Variants in AOAH observed in about 807,000 individuals in gnomAD.
AOAH encodes acyloxyacyl hydrolase.
A neutral mutation model predicts 92.2 loss-of-function variants in AOAH; 64 were observed. That is an observed-to-expected ratio of 0.69 (90% CI 0.57 to 0.86). AOAH has a LOEUF of 0.86. AOAH is among the 40% of genes least tolerant of loss of function. The pLI, the probability that AOAH is intolerant of heterozygous loss-of-function variation, is 0.00. For missense variants in AOAH, 656 were observed against 694.6 expected (o/e 0.94, Z 0.62); for synonymous variants, 263 against 254.5 (o/e 1.03, Z -0.32).
chr7:36,623,609 G>A (rs916923628), intron 6 of AOAH, among the ~76,000 whole-genome samples: 2 of 152,142 alleles, frequency 1.3e-5, no homozygotes, highest in African/African-American at 4.8e-5. Flanking sequence ...TTGAATTTTT[G>A]CCATTTTGCA....
chr7:36,712,558 G>T (rs1035131940), intron 1 of AOAH, among the ~76,000 whole-genome samples: 6 of 152,156 alleles, frequency 3.9e-5, no homozygotes, highest in African/African-American at 1.4e-4. Flanking sequence ...GGCAGAAAGA[G>T]GCACAGCCTG....
chr7:36,587,323 T>C (rs1186658295), intron 12 of AOAH, among the ~76,000 whole-genome samples: 1 of 149,980 alleles, frequency 6.7e-6, no homozygotes, highest in African/African-American at 2.4e-5. Context: ...TGGTTTTATA[T>C]ACACATGTAG....
intron 4 of AOAH, among the ~76,000 whole-genome samples, chr7:36,652,920 A>G (rs1428843188): frequency 6.6e-6 from 1 of 152,204 alleles, no homozygotes. Flanking sequence ...TTAGAGGAGA[A>G]GCATGTGTAA....
chr7:36,572,478 A>C (rs1213679972), intron 13 of AOAH, among the ~76,000 whole-genome samples: 2 of 151,970 alleles, frequency 1.3e-5, no homozygotes, highest in Non-Finnish European at 2.9e-5. Context: ...AGCTATGACC[A>C]CGCCACTGTG....
At chr7:36,623,126 G>A in intron 7 of AOAH, 64 bp downstream of exon 7, 2 of 1,342,988 alleles carry the variant, frequency 1.5e-6, no homozygotes. Context: ...CTTATTAAAG[G>A]AAAGAAATGT....
chr7:36,525,643 T>C (rs1784361796), intron 19 of AOAH, among the ~76,000 whole-genome samples: 1 of 152,176 alleles, frequency 6.6e-6, no homozygotes, highest in African/African-American at 2.4e-5. Context: ...ATTCAAAACT[T>C]TTTGAGTGCC....
At chr7:36,542,217 A>G (rs1327404533) in intron 15 of AOAH, among the ~76,000 whole-genome samples, 1 of 152,182 alleles carries the variant, frequency 6.6e-6, no homozygotes, top group Non-Finnish European at 1.5e-5. Flanking sequence ...CCACAAGCCA[A>G]AGAGTGCTGA....
At chr7:36,646,906 A>G (rs1794258455) in intron 4 of AOAH, among the ~76,000 whole-genome samples, 1 of 152,144 alleles carries the variant, frequency 6.6e-6, no homozygotes. Context: ...TACACCCTCA[A>G]AATTCCTTTT....
intron 2 of AOAH, among the ~76,000 whole-genome samples, chr7:36,678,507 C>T (rs1796400315): frequency 6.6e-6 from 1 of 150,580 alleles, no homozygotes; most frequent in Admixed American, 6.6e-5. Context: ...CTAATACTGG[C>T]TGAAAGGCAG....
intron 4 of AOAH, among the ~76,000 whole-genome samples, chr7:36,648,189 G>A (rs961678649): frequency 1.3e-5 from 2 of 152,138 alleles, no homozygotes; most frequent in Non-Finnish European, 2.9e-5. Flanking sequence ...AATATGCAGA[G>A]AGCAACTTAA....
At chr7:36,639,468 A>G (rs1190807456) in intron 4 of AOAH, among the ~76,000 whole-genome samples, 1 of 152,206 alleles carries the variant, frequency 6.6e-6, no homozygotes, top group Non-Finnish European at 1.5e-5. Context: ...TCCTTGAGGC[A>G]TAGTAGGTGC....
At chr7:36,645,436 G>C (rs550511543) in intron 4 of AOAH, among the ~76,000 whole-genome samples, 46 of 152,296 alleles carry the variant, frequency 3.0e-4, no homozygotes, top group Non-Finnish European at 2.2e-4. Flanking sequence ...CTTTGTTAGA[G>C]CAGCCCTAAC....
At chr7:36,517,218 T>TTCTTTCTTTTTC (rs1562853989) in intron 20 of AOAH, among the ~76,000 whole-genome samples, 1 of 62,084 alleles carries the variant, frequency 1.6e-5, no homozygotes, top group Non-Finnish European at 3.9e-5. Flanking sequence ...TTCTTTCTCT[T>TTCTTTCTTTTTC]TCTTTCTGTC....
At chr7:36,543,952 T>C (rs542871104) in intron 15 of AOAH, among the ~76,000 whole-genome samples, 5 of 138,460 alleles carry the variant, frequency 3.6e-5, no homozygotes, top group East Asian at 4.1e-4. Context: ...TCTTTCTTTT[T>C]TTTTTTTTTT....
intron 4 of AOAH, among the ~76,000 whole-genome samples, chr7:36,658,407 T>G (rs953049511): frequency 2.0e-5 from 3 of 152,142 alleles, no homozygotes; most frequent in African/African-American, 7.2e-5. Flanking sequence ...CACGGGCAGC[T>G]CCTGAAAATT....
intron 11 of AOAH, among the ~76,000 whole-genome samples, chr7:36,605,433 A>T (rs1373172432): frequency 6.6e-6 from 1 of 152,222 alleles, no homozygotes; most frequent in Non-Finnish European, 1.5e-5. Flanking sequence ...AGCAGGTGAC[A>T]GACATAATTA....
chr7:36,633,811 C>G (rs974749527), intron 5 of AOAH, among the ~76,000 whole-genome samples: 1 of 152,140 alleles, frequency 6.6e-6, no homozygotes, highest in African/African-American at 2.4e-5. Flanking sequence ...GGCCCTATCT[C>G]AGGGTTTCAA....
At chr7:36,695,291 C>A (rs929253088) in intron 1 of AOAH, among the ~76,000 whole-genome samples, 1 of 152,108 alleles carries the variant, frequency 6.6e-6, no homozygotes, top group African/African-American at 2.4e-5. Flanking sequence ...ACCATGCATT[C>A]TTTTATAATT....
intron 4 of AOAH, among the ~76,000 whole-genome samples, chr7:36,650,950 G>A (rs1327271632): frequency 1.3e-5 from 2 of 152,186 alleles, no homozygotes; most frequent in South Asian, 2.1e-4. Flanking sequence ...TGGAGAGGGG[G>A]TACTTAAACC....
Sources: gnomAD v4.1 joint callset for allele counts (sites outside exome capture counted in the v4.1 genomes callset) on GRCh38, gnomAD v4.1.1 for gene constraint, MANE v1.5 for transcripts, NCBI Gene and HGNC (gene_info 2026-07-23, HGNC 2026-07-21) for gene names.